The following DOCK4 variants were observed in gnomAD, a reference collection of about 807,000 sequenced individuals.
DOCK4 encodes the protein dedicator of cytokinesis protein 4.
A neutral mutation model predicts 268.1 loss-of-function variants in DOCK4; 97 were observed. The ratio of observed to expected loss-of-function variants is 0.36; its 90% CI spans 0.31 to 0.43. The LOEUF (loss-of-function observed/expected upper bound fraction) is 0.43. Ranked by LOEUF, DOCK4 falls within the 20% of genes least tolerant of loss-of-function variation. The pLI, the probability that DOCK4 is intolerant of heterozygous loss-of-function variation, is 1.00. For missense variants in DOCK4, 2,145 were observed against 2,455.7 expected, an observed-to-expected ratio of 0.87 and a Z score of 2.67; for synonymous variants, 954 against 887.2, an observed-to-expected ratio of 1.08 and a Z score of -1.34.
chr7:111,890,338 T>C (rs1406619064), intron 16 of DOCK4, among the ~76,000 whole-genome samples: 1 of 152,200 alleles, frequency 6.6e-6, no homozygotes, highest in Admixed American at 6.5e-5. Flanking sequence ...ATAATTCTAA[T>C]AGAATGAAAT....
At chr7:112,170,873 T>TA (rs566523658) in intron 1 of DOCK4, among the ~76,000 whole-genome samples, 18 of 152,096 alleles carry the variant, frequency 1.2e-4, no homozygotes, top group South Asian at 4.1e-4. Flanking sequence ...CCATATATGA[T>TA]AAAAAAAATT....
At chr7:111,999,396 G>T (rs1231168608) in intron 3 of DOCK4, among the ~76,000 whole-genome samples, 3 of 151,900 alleles carry the variant, frequency 2.0e-5, no homozygotes, top group Non-Finnish European at 4.4e-5. Flanking sequence ...CAATATGGTA[G>T]GATCAACAAA....
At chr7:112,190,591 G>A (rs149203590) in intron 1 of DOCK4, among the ~76,000 whole-genome samples, 6 of 152,022 alleles carry the variant, frequency 3.9e-5, no homozygotes, top group Non-Finnish European at 7.3e-5. Flanking sequence ...TGCCCAGCAC[G>A]GGATGAGATT....
chr7:111,936,598 T>C lies in DOCK4; in HGVS notation c.978-970A>G, dbSNP rs532195255. Among the ~76,000 whole-genome samples, 5 of 152,252 alleles carry C rather than the reference T, an allele frequency of 3.3e-5. No homozygotes were observed. In the South Asian group the frequency reaches 1.0e-3, roughly 32 times the overall value. On this transcript the variant is annotated intron_variant, in intron 11 of 52. Transcript: ENST00000428084. ...TGTAAGCATGTGGTTCTGTTATCCA[T>C]CCTTACTGCCACTACTCTCCCAGAT...
intron 1 of DOCK4, among the ~76,000 whole-genome samples, chr7:112,108,824 G>A (rs1811367345): frequency 6.6e-6 from 1 of 152,162 alleles, no homozygotes; most frequent in Non-Finnish European, 1.5e-5. Flanking sequence ...CTTGCAAATG[G>A]ACACTGAAAG....
chr7:112,137,991 A>T (rs1257740774), intron 1 of DOCK4, among the ~76,000 whole-genome samples: 2 of 152,186 alleles, frequency 1.3e-5, no homozygotes, highest in Non-Finnish European at 2.9e-5. Flanking sequence ...ATAATCAATC[A>T]TCATCATCAT....
chr7:111,938,702 A>C (rs1794939317), intron 11 of DOCK4, among the ~76,000 whole-genome samples: 1 of 152,076 alleles, frequency 6.6e-6, no homozygotes, highest in African/African-American at 2.4e-5. Context: ...TGAAGTCCTA[A>C]CCCCCAGTAC....
chr7:111,775,429 T>G (rs1169552860), intron 36 of DOCK4, among the ~76,000 whole-genome samples: 1 of 152,154 alleles, frequency 6.6e-6, no homozygotes, highest in Non-Finnish European at 1.5e-5. Context: ...TCCCACTGAT[T>G]ACAACTAAAC....
At chr7:111,944,904 G>C in intron 9 of DOCK4, 33 bp from the exon 10 acceptor site, 1 of 1,599,860 alleles carries the variant, frequency 6.3e-7, no homozygotes, top group Non-Finnish European at 8.6e-7. Flanking sequence ...TATTTTGGAA[G>C]ACATGAGCGG....
chr7:112,095,441 G>C (rs1563078902), intron 1 of DOCK4, among the ~76,000 whole-genome samples: 1 of 152,008 alleles, frequency 6.6e-6, no homozygotes, highest in East Asian at 1.9e-4. Flanking sequence ...AATCTATTAA[G>C]AGAAAGAATA....
rs1254945956 is a variant in DOCK4 at position 111,880,890 on chromosome 7, TAACTTGC to T, written c.1588-3711_1588-3705del. Among the ~76,000 whole-genome samples the T allele has an allele frequency of 8.9e-5, 4 of 45,054 alleles. No homozygotes were observed. The African/African-American group carries it at 1.8e-3, about 21-fold the overall frequency. 29.6% of individuals were successfully genotyped at this position (45,054 alleles called of 152,430 possible). A position where few individuals can be genotyped will look rare whatever the true frequency, so the allele number is the denominator to read the frequency against. The stretch of plus-strand genomic sequence containing the variant: ...CCATATGCAGAAGAATGAAACTTGC[TAACTTGC>T]TCCTATCTCTCACTATATACAAAAA... On this transcript the variant is annotated intron_variant, in intron 16 of 52. Transcript: ENST00000428084.
intron 1 of DOCK4, among the ~76,000 whole-genome samples, chr7:112,016,838 A>G (rs1038542586): frequency 6.6e-6 from 1 of 152,244 alleles, no homozygotes; most frequent in Non-Finnish European, 1.5e-5. Context: ...CAGAAAATGG[A>G]AACAAATTAA....
intron 1 of DOCK4, among the ~76,000 whole-genome samples, chr7:112,162,828 T>C (rs1242715226): frequency 6.6e-6 from 1 of 152,212 alleles, no homozygotes; most frequent in Admixed American, 6.5e-5. Context: ...CGATTTTATC[T>C]TTTTTATCTA....
intron 30 of DOCK4, among the ~76,000 whole-genome samples, chr7:111,796,632 C>T (rs1057344157): frequency 4.0e-5 from 6 of 151,712 alleles, no homozygotes; most frequent in Admixed American, 6.5e-5. Context: ...ATTTTAAGTT[C>T]GGAAGTTAAC....
At chr7:112,141,420 C>T (rs961668627) in intron 1 of DOCK4, among the ~76,000 whole-genome samples, 2 of 152,140 alleles carry the variant, frequency 1.3e-5, no homozygotes, top group Non-Finnish European at 2.9e-5. Context: ...GTGATTAACA[C>T]TGACAATCAG....
chr7:111,741,027 A>T lies in DOCK4; in HGVS notation c.5040+67T>A, dbSNP rs1795882398. The T allele has an allele frequency of 3.8e-6, 6 of 1,589,372 alleles. No homozygotes were observed. In the South Asian group the frequency reaches 6.9e-5, roughly 18 times the overall value. On this transcript the variant is annotated intron_variant, in intron 47 of 52. Transcript: ENST00000428084. ...GTCTGTTCATCAGCACAGCAGAATG[A>T]ACAGAAACACTCATGATTGAGACAG...
chr7:111,994,209 T>A lies in DOCK4; in HGVS notation c.241A>T (p.Thr81Ser). 6.2e-7 allele frequency: 1 copy of A among 1,601,110 alleles called. No individual in the cohort carries two copies. Among genetic ancestry groups the A allele is most frequent in the Non-Finnish European group, 8.5e-7 (1 of 1,171,714 alleles). ...ATTTCTGTGATAACAGAGTCTTCAG[T>A]GGGAATAACCATTTCAAATTGTCTG... The part of the protein sequence containing the change: ...NKGQFEMVIP[T>S]EDSVITEMTS... Residue 81 changes from threonine to serine, a missense_variant, in exon 5 of 53, where the codon ACT becomes TCT. Thr to Ser is a moderately conservative substitution (Grantham distance 58). Around this residue, in one of 2 missense-constraint regions of DOCK4, gnomAD observed 1,598 missense variants for 1,986.7 expected, o/e 0.80. Coordinates refer to ENST00000428084, the MANE Select transcript of DOCK4 (RefSeq NM_001363540.2).
intron 1 of DOCK4, among the ~76,000 whole-genome samples, chr7:112,171,033 C>T (rs1173993295): frequency 1.3e-5 from 2 of 152,204 alleles, no homozygotes; most frequent in Non-Finnish European, 1.5e-5. Context: ...CAGACTTCTT[C>T]GACCAAACAT....
At chr7:111,768,738 C>T (rs1217687913) in intron 37 of DOCK4, among the ~76,000 whole-genome samples, 1 of 152,146 alleles carries the variant, frequency 6.6e-6, no homozygotes, top group African/African-American at 2.4e-5. Flanking sequence ...ATTCTTTAAA[C>T]AAATTAAGTT....
Sources: gnomAD v4.1 joint callset for allele counts (sites outside exome capture counted in the v4.1 genomes callset) on GRCh38, gnomAD v4.1.1 for gene constraint, gnomAD v4.1.1 regional missense constraint, MANE v1.5 for transcripts, NCBI Gene and HGNC (gene_info 2026-07-23, HGNC 2026-07-21) for gene names.